SLC24A2: variants seen among roughly 807,000 people sequenced by gnomAD.
SLC24A2 encodes solute carrier family 24 member 2, also known as sodium/potassium/calcium exchanger 2.
A neutral mutation model predicts 62.0 loss-of-function variants in SLC24A2; 36 were observed. That is an observed-to-expected ratio of 0.58 (90% CI 0.44 to 0.77). The LOEUF is 0.77. SLC24A2 is among the 30% of genes least tolerant of loss of function. The pLI is 0.00. For synonymous variants in SLC24A2, 358 were observed against 294.0 expected (o/e 1.22, Z -2.23); for missense variants, 846 against 817.9 (o/e 1.03, Z -0.42).
At chr9:19,713,044 C>A (rs1025752885) in intron 2 of SLC24A2, among the ~76,000 whole-genome samples, 10 of 152,164 alleles carry the variant, frequency 6.6e-5, no homozygotes, top group African/African-American at 2.4e-4. Flanking sequence ...GAATCTTTTT[C>A]AAAACCCTAC....
chr9:20,057,001 A>G, the SLC24A2 span, among the ~76,000 whole-genome samples: 2 of 152,202 alleles, frequency 1.3e-5, no homozygotes, highest in African/African-American at 4.8e-5. Context: ...TCCCTAAAGC[A>G]TTAATTTTAT....
At chr9:19,701,556 A>T (rs879448863) in intron 2 of SLC24A2, among the ~76,000 whole-genome samples, 2 of 152,214 alleles carry the variant, frequency 1.3e-5, no homozygotes, top group Non-Finnish European at 2.9e-5. Context: ...TGAATTTATT[A>T]CTGAACAGTT....
At chr9:19,587,804 T>C (rs1401317652) in intron 5 of SLC24A2, among the ~76,000 whole-genome samples, 1 of 152,262 alleles carries the variant, frequency 6.6e-6, no homozygotes, top group African/African-American at 2.4e-5. Context: ...ATTTGCCTTC[T>C]GCTGCCATTT....
the SLC24A2 span, among the ~76,000 whole-genome samples, chr9:20,264,088 C>A: frequency 6.6e-6 from 1 of 152,084 alleles, no homozygotes; most frequent in Non-Finnish European, 1.5e-5. Context: ...GCCCTGAGGG[C>A]CCCCATCCCA....
intron 2 of SLC24A2, among the ~76,000 whole-genome samples, chr9:19,643,900 C>G (rs1818571335): frequency 6.6e-6 from 1 of 152,218 alleles, no homozygotes; most frequent in African/African-American, 2.4e-5. Flanking sequence ...TTGCTTCCTT[C>G]CTACTTGAGG....
the SLC24A2 span, among the ~76,000 whole-genome samples, chr9:19,917,807 T>C: frequency 6.6e-6 from 1 of 152,156 alleles, no homozygotes. Flanking sequence ...TTACGTTGTC[T>C]CTTCATTTCC....
intron 8 of SLC24A2, among the ~76,000 whole-genome samples, chr9:19,532,347 C>T (rs767574340): frequency 2.0e-5 from 3 of 152,232 alleles, no homozygotes; most frequent in South Asian, 2.1e-4. Context: ...CCTCCTGCCT[C>T]GGCTTCCCAA....
the SLC24A2 span, among the ~76,000 whole-genome samples, chr9:19,850,968 T>TACACATAC: frequency 7.5e-5 from 1 of 13,354 alleles, no homozygotes; most frequent in African/African-American, 1.5e-4. Flanking sequence ...TATATATATG[T>TACACATAC]ATATATATAT....
At chr9:20,154,967 G>C in the SLC24A2 span, among the ~76,000 whole-genome samples, 2 of 151,588 alleles carry the variant, frequency 1.3e-5, no homozygotes, top group Non-Finnish European at 3.0e-5. Context: ...CTCGCTATCA[G>C]GGAAAAAGAG....
the SLC24A2 span, among the ~76,000 whole-genome samples, chr9:20,216,065 T>C: frequency 0.12 from 18,352 of 150,720 alleles, 2,363 homozygotes; most frequent in East Asian, 0.62. Flanking sequence ...TCTACTATTT[T>C]GTGATAAATC....
chr9:19,584,139 T>C (rs1836289214), intron 5 of SLC24A2, among the ~76,000 whole-genome samples: 1 of 151,802 alleles, frequency 6.6e-6, no homozygotes, highest in African/African-American at 2.4e-5. Flanking sequence ...CCTTGACAAG[T>C]GTCCTATAAT....
the SLC24A2 span, among the ~76,000 whole-genome samples, chr9:20,017,532 T>C: frequency 6.6e-6 from 1 of 152,114 alleles, no homozygotes; most frequent in Non-Finnish European, 1.5e-5. Flanking sequence ...GGGTGTTTAT[T>C]AGGAGAATTG....
At chr9:20,193,569 T>C in the SLC24A2 span, among the ~76,000 whole-genome samples, 1 of 152,018 alleles carries the variant, frequency 6.6e-6, no homozygotes, top group Non-Finnish European at 1.5e-5. Flanking sequence ...ATGTAGTTGA[T>C]CTTTTAATAT....
At chr9:19,583,959 G>A (rs1207919533) in intron 5 of SLC24A2, among the ~76,000 whole-genome samples, 3 of 152,076 alleles carry the variant, frequency 2.0e-5, no homozygotes, top group African/African-American at 7.2e-5. Flanking sequence ...CCAACCTGAA[G>A]GTTTCTCTGC....
At chr9:20,225,033 G>A in the SLC24A2 span, among the ~76,000 whole-genome samples, 10 of 152,046 alleles carry the variant, frequency 6.6e-5, no homozygotes, top group African/African-American at 2.2e-4. Flanking sequence ...AGACCTCAGA[G>A]GAAACCACAT....
At chr9:19,872,027 A>C in the SLC24A2 span, among the ~76,000 whole-genome samples, 1 of 151,926 alleles carries the variant, frequency 6.6e-6, no homozygotes, top group Admixed American at 6.6e-5. Context: ...TGGTGTATGG[A>C]CCAATTAATT....
intron 2 of SLC24A2, among the ~76,000 whole-genome samples, chr9:19,725,313 C>T (rs903461590): frequency 6.6e-5 from 10 of 152,160 alleles, no homozygotes; most frequent in Admixed American, 1.3e-4. Flanking sequence ...TTATATTGCA[C>T]GTTATAATTA....
chr9:20,118,178 G>C, the SLC24A2 span, among the ~76,000 whole-genome samples: 2 of 151,274 alleles, frequency 1.3e-5, no homozygotes, highest in African/African-American at 4.9e-5. Flanking sequence ...GAGCTGGTGA[G>C]AATCGAAAGA....
chr9:19,616,560 C>T (rs1286051830), intron 4 of SLC24A2, among the ~76,000 whole-genome samples: 1 of 152,184 alleles, frequency 6.6e-6, no homozygotes, highest in Non-Finnish European at 1.5e-5. Flanking sequence ...AAAATTGTTC[C>T]TTTCTTCTCT....
Sources: allele counts gnomAD v4.1 joint callset (sites outside exome capture counted in the v4.1 genomes callset), GRCh38; gene constraint gnomAD v4.1.1; transcripts MANE v1.5; gene names NCBI Gene and HGNC (gene_info 2026-07-23, HGNC 2026-07-21).